ITGA9: variants seen among roughly 807,000 people sequenced by gnomAD.
The protein encoded by ITGA9 is integrin alpha-9.
A neutral mutation model predicts 127.8 loss-of-function variants in ITGA9; 56 were observed. The ratio of observed to expected loss-of-function variants is 0.44; its 90% confidence interval spans 0.35 to 0.55. ITGA9 has a LOEUF of 0.55. Ranked by LOEUF, ITGA9 falls within the 20% of genes least tolerant of loss-of-function variation. The pLI is 0.00. For missense variants in ITGA9, 1,196 were observed against 1,347.1 expected (o/e 0.89, Z 1.76); for synonymous variants, 508 against 514.5 (o/e 0.99, Z 0.17).
At chr3:37,741,082 G>T (rs1054292940) in intron 20 of ITGA9, among the ~76,000 whole-genome samples, 5 of 152,152 alleles carry the variant, frequency 3.3e-5, no homozygotes, top group Non-Finnish European at 4.4e-5. Context: ...TTGGTCCATT[G>T]TTCGTGGAAC....
intron 23 of ITGA9, among the ~76,000 whole-genome samples, chr3:37,765,428 C>T (rs1696769047): frequency 6.6e-6 from 1 of 152,178 alleles, no homozygotes; most frequent in African/African-American, 2.4e-5. Flanking sequence ...CACACAGACA[C>T]TGCTGATCTC....
At chr3:37,777,317 T>A in intron 23 of ITGA9, 75 bp from the exon 24 acceptor site, 1 of 1,556,234 alleles carries the variant, frequency 6.4e-7, no homozygotes, top group Non-Finnish European at 8.9e-7. Context: ...CACTCCTGCC[T>A]CTACAATAAG....
chr3:37,502,944 G>T (rs1316255935), intron 5 of ITGA9, among the ~76,000 whole-genome samples: 1 of 152,184 alleles, frequency 6.6e-6, no homozygotes, highest in Non-Finnish European at 1.5e-5. Flanking sequence ...GGCCTGTCGT[G>T]AATTCTGTCA....
chr3:37,696,332 G>A lies in ITGA9; in HGVS notation c.2067+12317G>A, dbSNP rs138228548. Reference sequence around the variant, plus strand: ...CAGAACTGGGGAAGGACTGCCCAGTGAGTCTACTCCCTTCAGTATTTGTCA... The same window carrying A: ...CAGAACTGGGGAAGGACTGCCCAGTAAGTCTACTCCCTTCAGTATTTGTCA... On this transcript the variant is annotated intron_variant, in intron 18 of 27. Transcript: ENST00000264741. Among the ~76,000 whole-genome samples, 3 of 152,350 alleles carry A rather than the reference G, an allele frequency of 2.0e-5. No homozygotes were observed. The East Asian group carries it at 5.8e-4, about 29-fold the overall frequency.
intron 27 of ITGA9, among the ~76,000 whole-genome samples, chr3:37,809,346 A>G (rs1697338665): frequency 6.6e-6 from 1 of 152,228 alleles, no homozygotes; most frequent in African/African-American, 2.4e-5. Context: ...TTGGCCTCCC[A>G]AAGTGCTGGG....
chr3:37,625,249 T>C (rs1050224840), intron 15 of ITGA9, among the ~76,000 whole-genome samples: 23 of 152,176 alleles, frequency 1.5e-4, no homozygotes, highest in African/African-American at 5.5e-4. Flanking sequence ...CCTGTCCTGG[T>C]ATGTGTTGCA....
chr3:37,808,155 T>C (rs1169701597), intron 27 of ITGA9: 1 of 151,926 alleles, frequency 6.6e-6, no homozygotes, highest in Non-Finnish European at 1.5e-5. Context: ...CTACACATCG[T>C]AGGGAGATAG....
chr3:37,558,655 A>G (rs1375625267), intron 15 of ITGA9, among the ~76,000 whole-genome samples: 1 of 152,162 alleles, frequency 6.6e-6, no homozygotes, highest in Non-Finnish European at 1.5e-5. Context: ...TGTGCCAGAC[A>G]CTGTGCTGGG....
intron 17 of ITGA9, among the ~76,000 whole-genome samples, chr3:37,682,176 T>G (rs1700740453): frequency 6.6e-6 from 1 of 152,228 alleles, no homozygotes; most frequent in African/African-American, 2.4e-5. Flanking sequence ...TGTTCTCCTT[T>G]AGAGAAAAAC....
chr3:37,564,856 G>T lies in ITGA9; in HGVS notation c.1689+22271G>T, dbSNP rs143900125. Among the ~76,000 whole-genome samples the T allele has an allele frequency of 7.5e-3, 1,140 of 152,320 alleles. 8 individuals are homozygous for T. Among genetic ancestry groups the T allele is most frequent in the Non-Finnish European group, 0.011 (767 of 68,034 alleles). ...TACCTGGAGAAAGGGGCTAAAAGAA[G>T]CCCATGGGATTAACAGACATTCTGA... On this transcript the variant is annotated intron_variant, in intron 15 of 27. Transcript: ENST00000264741.
At chr3:37,463,385 TC>T (rs1698337190) in intron 1 of ITGA9, among the ~76,000 whole-genome samples, 1 of 152,292 alleles carries the variant, frequency 6.6e-6, no homozygotes, top group Non-Finnish European at 1.5e-5. Flanking sequence ...CAGGACTCAC[TC>T]ATGCATCTGT....
chr3:37,510,953 C>G (rs1283272582), intron 8 of ITGA9, among the ~76,000 whole-genome samples: 1 of 152,130 alleles, frequency 6.6e-6, no homozygotes, highest in Non-Finnish European at 1.5e-5. Context: ...CTACTTCTTG[C>G]CAGAAGAAAT....
At chr3:37,677,291 TTA>T (rs1195733176) in intron 17 of ITGA9, among the ~76,000 whole-genome samples, 5 of 152,240 alleles carry the variant, frequency 3.3e-5, no homozygotes, top group African/African-American at 1.2e-4. Flanking sequence ...AATTTTGGTT[TTA>T]TGGTTTACTC....
At chr3:37,706,470 G>C (rs1011314635) in intron 18 of ITGA9, among the ~76,000 whole-genome samples, 1 of 152,188 alleles carries the variant, frequency 6.6e-6, no homozygotes, top group Non-Finnish European at 1.5e-5. Context: ...AAGAAAGAAG[G>C]AAGAAAAGGA....
intron 15 of ITGA9, among the ~76,000 whole-genome samples, chr3:37,557,574 T>C (rs892531417): frequency 6.6e-6 from 1 of 152,186 alleles, no homozygotes; most frequent in African/African-American, 2.4e-5. Flanking sequence ...TCCCAGGAGA[T>C]TTGTGTGAAG....
At chr3:37,538,329 G>A (rs529161781) in intron 14 of ITGA9, among the ~76,000 whole-genome samples, 102 of 152,344 alleles carry the variant, frequency 6.7e-4, no homozygotes, top group African/African-American at 2.3e-3. Context: ...GCCCAGGCCC[G>A]TGCAGGGGGG....
intron 17 of ITGA9, among the ~76,000 whole-genome samples, chr3:37,656,676 C>CT (rs1229204321): frequency 6.6e-6 from 1 of 152,102 alleles, no homozygotes; most frequent in Non-Finnish European, 1.5e-5. Flanking sequence ...TTTGAATACC[C>CT]TTTTTTTCCT....
intron 26 of ITGA9, among the ~76,000 whole-genome samples, chr3:37,787,612 T>A (rs939844320): frequency 6.6e-6 from 1 of 151,996 alleles, no homozygotes; most frequent in African/African-American, 2.4e-5. Context: ...AATCTGTTGT[T>A]CTCAATTTTC....
chr3:37,772,973 T>C (rs898440775), intron 23 of ITGA9, among the ~76,000 whole-genome samples: 4 of 152,230 alleles, frequency 2.6e-5, no homozygotes, highest in Non-Finnish European at 4.4e-5. Context: ...ACTTCTGAGC[T>C]GTGACTCTGC....
Sources: allele counts gnomAD v4.1 joint callset (sites outside exome capture counted in the v4.1 genomes callset), GRCh38; gene constraint gnomAD v4.1.1; transcripts MANE v1.5; gene names NCBI Gene and HGNC (gene_info 2026-07-23, HGNC 2026-07-21).